The following INPP5B variants were observed in gnomAD, a reference collection of about 807,000 sequenced individuals.
The protein encoded by INPP5B is inositol polyphosphate-5-phosphatase B, also known as type II inositol 1,4,5-trisphosphate 5-phosphatase.
INPP5B carries 90 observed loss-of-function variants against 118.5 expected under a neutral mutation model. The ratio of observed to expected loss-of-function variants is 0.76; its 90% confidence interval spans 0.64 to 0.90. The LOEUF (loss-of-function observed/expected upper bound fraction) is 0.90. Among genes scored for constraint, INPP5B ranks in the 40% least tolerant of loss-of-function variants. The probability of loss-of-function intolerance (pLI) is 0.00; values close to 1 mark genes in which losing one functional copy is unlikely to be tolerated. For missense variants in INPP5B, 984 were observed against 1,125.6 expected (o/e 0.87, Z 1.80); for synonymous variants, 385 against 418.9 (o/e 0.92, Z 0.99).
At chr1:37,939,514 G>C (rs1271631056) in intron 6 of INPP5B, among the ~76,000 whole-genome samples, 1 of 144,678 alleles carries the variant, frequency 6.9e-6, no homozygotes, top group East Asian at 2.1e-4. Context: ...GCGCAATCTC[G>C]GCTTACTGCA....
At chr1:37,872,086 G>T (rs1445107079) in intron 19 of INPP5B, among the ~76,000 whole-genome samples, 1 of 86,322 alleles carries the variant, frequency 1.2e-5, no homozygotes, top group Non-Finnish European at 2.7e-5. Flanking sequence ...AAAAAAAAAA[G>T]CCAGGCGCGG....
chr1:37,877,670 C>T (rs936478888), intron 16 of INPP5B, among the ~76,000 whole-genome samples: 1 of 152,140 alleles, frequency 6.6e-6, no homozygotes, highest in African/African-American at 2.4e-5. Context: ...GTGGTCACAA[C>T]AGCACTGTGT....
At position 37,922,944 on chromosome 1, in the gene INPP5B, TTC is replaced by T. The variant is rs959127826; in HGVS notation, c.532+8967_532+8968del. 1.9e-4 allele frequency among the ~76,000 whole-genome samples: 29 copies of T among 152,336 alleles called. 1 individual carries two copies. Among genetic ancestry groups the T allele is most frequent in the South Asian group, 4.1e-4 (2 of 4,830 alleles). ...CTGGAGAGATGACTTGAATTTTTCC[TTC>T]TCAGGCTTCCCTTCAGTGGGCCTTC... On this transcript the variant is annotated intron_variant, in intron 7 of 23. Transcript: ENST00000373024.
At chr1:37,943,735 G>C in intron 4 of INPP5B, 61 bp downstream of exon 4, 1 of 1,611,000 alleles carries the variant, frequency 6.2e-7, no homozygotes, top group Non-Finnish European at 8.5e-7. Context: ...CCCCATCAAG[G>C]ACAAAGATGA....
intron 7 of INPP5B, among the ~76,000 whole-genome samples, chr1:37,901,308 G>A (rs1474757427): frequency 2.0e-5 from 3 of 152,230 alleles, no homozygotes; most frequent in Non-Finnish European, 2.9e-5. Context: ...TGTGTGACAT[G>A]AGAAGTCACT....
chr1:37,937,426 G>T (rs1272851844), intron 6 of INPP5B, among the ~76,000 whole-genome samples: 1 of 152,180 alleles, frequency 6.6e-6, no homozygotes, highest in Non-Finnish European at 1.5e-5. Context: ...GAGGTCAGGA[G>T]TTCAAGACTA....
chr1:37,922,050 A>G (rs1645075839), intron 7 of INPP5B, among the ~76,000 whole-genome samples: 1 of 151,710 alleles, frequency 6.6e-6, no homozygotes, highest in South Asian at 2.1e-4. Context: ...AAATAAATAA[A>G]AATGAGCTGG....
intron 5 of INPP5B, among the ~76,000 whole-genome samples, chr1:37,941,225 C>T (rs1304637641): frequency 2.0e-5 from 3 of 152,066 alleles, no homozygotes; most frequent in Admixed American, 6.6e-5. Context: ...CACGTGGGCC[C>T]GTCTCAGGGA....
chr1:37,902,059 T>C (rs1644352937), intron 7 of INPP5B, among the ~76,000 whole-genome samples: 1 of 151,940 alleles, frequency 6.6e-6, no homozygotes. Flanking sequence ...TGATCTCAGC[T>C]CACGGCTCCT....
At chr1:37,916,103 T>G (rs1465422657) in intron 7 of INPP5B, among the ~76,000 whole-genome samples, 2 of 151,902 alleles carry the variant, frequency 1.3e-5, no homozygotes, top group African/African-American at 4.8e-5. Context: ...CTTTTTCCTT[T>G]TTTTTTTTGA....
intron 5 of INPP5B, among the ~76,000 whole-genome samples, chr1:37,941,854 C>A (rs1645927772): frequency 4.7e-5 from 6 of 127,842 alleles, no homozygotes; most frequent in African/African-American, 1.4e-4. Context: ...AGGAGAATGG[C>A]GTGAACCCGG....
chr1:37,869,760 G>A (rs1462345678), intron 19 of INPP5B, among the ~76,000 whole-genome samples: 5 of 151,938 alleles, frequency 3.3e-5, no homozygotes, highest in Admixed American at 6.6e-5. Flanking sequence ...GATTACAGGC[G>A]TGAACCACTG....
intron 15 of INPP5B, 44 bp downstream of exon 15, chr1:37,880,041 T>G (rs1328081248): frequency 7.7e-7 from 1 of 1,304,952 alleles, no homozygotes; most frequent in Admixed American, 1.9e-5. Context: ...CCAGAATTTC[T>G]GGGTTTCCGT....
At chr1:37,868,872 T>C (rs1642218782) in intron 19 of INPP5B, among the ~76,000 whole-genome samples, 1 of 152,216 alleles carries the variant, frequency 6.6e-6, no homozygotes. Context: ...ATCATTCCTA[T>C]AGCATTTCAC....
At chr1:37,887,927 GT>G (rs1643634003) in intron 10 of INPP5B, among the ~76,000 whole-genome samples, 1 of 152,040 alleles carries the variant, frequency 6.6e-6, no homozygotes, top group African/African-American at 2.4e-5. Context: ...GCAGAAGATA[GT>G]TTTGCTTTGT....
In INPP5B at chr1:37,946,300, C is replaced by G. The variant is rs772981495; in HGVS notation, c.9G>C (p.Gln3His). The change falls in exon 2 of 24, where the codon CAG (glutamine) becomes CAC (histidine). Residue 3 changes from glutamine to histidine, a missense_variant. Physicochemically the swap from Gln to His is conservative, Grantham distance 24. This residue lies in a region of INPP5B where 350 missense variants were observed against 334.6 expected (regional missense o/e 1.05). Transcript: ENST00000373024. MD[Q>H]SVAIQETLAE... Reference sequence around the variant, plus strand: ...CCAGCGTCTCCTGGATTGCCACAGACTGGTCCATGCTGGCCCCTGCTGAGC... The same window carrying G: ...CCAGCGTCTCCTGGATTGCCACAGAGTGGTCCATGCTGGCCCCTGCTGAGC... 5 of 1,611,600 alleles carry G rather than the reference C, an allele frequency of 3.1e-6. No homozygotes were observed. The highest frequency in any genetic ancestry group is 4.2e-6 in the Non-Finnish European group (5 of 1,178,988).
At position 37,945,755 on chromosome 1, in the gene INPP5B, C is replaced by G. The variant is rs1287598833; in HGVS notation, c.152+1G>C. 6.2e-7 allele frequency: 1 copy of G among 1,612,454 alleles called. No homozygotes were observed. On this transcript the variant is annotated splice_donor_variant, in intron 3 of 23. Transcript: ENST00000373024. LOFTEE classifies it high-confidence loss of function. ...AGGTGGGGACCAAGCCCCTCACTCA[C>G]GCGTGTTCCTGGCCGCCGTGCTCCA...
intron 6 of INPP5B, among the ~76,000 whole-genome samples, chr1:37,936,374 A>G (rs950299441): frequency 6.6e-6 from 1 of 152,070 alleles, no homozygotes; most frequent in Non-Finnish European, 1.5e-5. Flanking sequence ...TAATTCCCGC[A>G]CTTTGGGAGG....
Position 37,862,284 on chromosome 1 carries a change from A to G in INPP5B, c.*31T>C, listed in dbSNP as rs1405039217. 2.1e-6 allele frequency: 3 copies of G among 1,431,390 alleles called. No homozygotes were observed. Among genetic ancestry groups the G allele is most frequent in the Non-Finnish European group, 3.0e-6 (3 of 1,014,392 alleles). The allele number at this position is 1,431,390 out of a possible 1,614,324, so 88.7% of individuals were successfully genotyped here. A position where few individuals can be genotyped will look rare whatever the true frequency, so the allele number is the denominator to read the frequency against. ...GAAACAGGTGGGGCTGGTAATTGGC[A>G]GCCTCAAGTAAAATAGGAGGAGAGA... On this transcript the variant is annotated 3_prime_UTR_variant, in exon 24 of 24. Coordinates refer to ENST00000373024, the MANE Select transcript of INPP5B (RefSeq NM_005540.3).
Sources: gnomAD v4.1 joint callset for allele counts (sites outside exome capture counted in the v4.1 genomes callset) on GRCh38, gnomAD v4.1.1 for gene constraint, gnomAD v4.1.1 regional missense constraint, MANE v1.5 for transcripts, NCBI Gene and HGNC (gene_info 2026-07-23, HGNC 2026-07-21) for gene names.